CACNG7: variants seen among roughly 807,000 people sequenced by gnomAD.
The protein encoded by CACNG7 is voltage-dependent calcium channel gamma-7 subunit.
In CACNG7, 9 loss-of-function variants were observed where a neutral mutation model predicts 26.3. The observed-to-expected ratio is 0.34, with a 90% CI of 0.21 to 0.60. The LOEUF (loss-of-function observed/expected upper bound fraction) is 0.60, where lower values mean the gene tolerates loss of function less well. Among genes scored for constraint, CACNG7 ranks in the 20% least tolerant of loss-of-function variants. The pLI, the probability that CACNG7 is intolerant of heterozygous loss-of-function variation, is 0.81. For synonymous variants in CACNG7, 170 were observed against 157.0 expected (o/e 1.08, Z -0.62); for missense variants, 297 against 380.4 (o/e 0.78, Z 1.82).
rs1211543838 is a variant in CACNG7, at chr19:53,943,603, G to T, written c.*1310G>T. On this transcript the variant is annotated 3_prime_UTR_variant, in exon 6 of 6. Coordinates refer to ENST00000391767, the MANE Select transcript of CACNG7 (RefSeq NM_031896.5). ...ACGCAGCGATTTTTAACGAGGCTGG[G>T]GGGAGGGGGGCACTGGGGTGGGGAC... The T allele has an allele frequency of 7.1e-6, 1 of 141,320 alleles. No individual in the cohort carries two copies. The highest frequency in any genetic ancestry group is 1.6e-5 in the Non-Finnish European group (1 of 64,398). The allele number at this position is 141,320 out of a possible 1,614,324, so 8.8% of individuals were successfully genotyped here.
At chr19:53,919,029 C>T (rs1025196603) in intron 4 of CACNG7, among the ~76,000 whole-genome samples, 6 of 152,214 alleles carry the variant, frequency 3.9e-5, no homozygotes, top group Non-Finnish European at 7.3e-5. Context: ...CTCGGCCTCC[C>T]GAAGTGCTGG....
At position 53,912,071 on chromosome 19, in the gene CACNG7, A is replaced by G. The variant is rs2068865353; in HGVS notation, c.-29-732A>G. ...ATGTATCAGGGCATCAGATTAGGGC[A>G]TGGAGTTAAGACTGGGTAGCCTGGG... On this transcript the variant is annotated intron_variant, in intron 1 of 5. Transcript: ENST00000391767. The surrounding 1 kb of genome is among the most constrained non-coding windows in gnomAD (Gnocchi z 4.6). 6.6e-6 allele frequency among the ~76,000 whole-genome samples: 1 copy of G among 152,196 alleles called. No homozygotes were observed. Among genetic ancestry groups the G allele is most frequent in the Non-Finnish European group, 1.5e-5 (1 of 68,028 alleles).
chr19:53,925,923 G>A (rs935624668), intron 4 of CACNG7, among the ~76,000 whole-genome samples: 1 of 152,210 alleles, frequency 6.6e-6, no homozygotes, highest in Non-Finnish European at 1.5e-5. Context: ...GTAGAAGTGG[G>A]AGGAAGCTAG....
chr19:53,914,401 C>A (rs746400003), intron 2 of CACNG7, 99 bp from the exon 3 acceptor site: 9 of 928,468 alleles, frequency 9.7e-6, no homozygotes, highest in Middle Eastern at 3.0e-4. Context: ...CTTGCTCCCC[C>A]ATCCTGGGGT....
intron 4 of CACNG7, among the ~76,000 whole-genome samples, chr19:53,920,326 C>G (rs1309668520): frequency 1.7e-5 from 2 of 117,000 alleles, no homozygotes; most frequent in Admixed American, 1.5e-4. Context: ...TGGAGTTGCC[C>G]CAGGTCTGGT....
chr19:53,914,884 C>T (rs1047169928), intron 3 of CACNG7, among the ~76,000 whole-genome samples: 1 of 152,056 alleles, frequency 6.6e-6, no homozygotes, highest in Admixed American at 6.5e-5. Context: ...TGCCTGTAGT[C>T]CCAGCTACTC....
chr19:53,917,095 G>A (rs751491028), intron 4 of CACNG7, among the ~76,000 whole-genome samples: 4 of 152,094 alleles, frequency 2.6e-5, no homozygotes, highest in East Asian at 1.9e-4. Flanking sequence ...ACTGTGCCTG[G>A]CCTAAAGCTT....
rs59884893 is a variant in CACNG7, at chr19:53,935,634, C to CTTTTTTTTTTTTTT, written c.425-5826_425-5813dup. 4.3e-4 allele frequency among the ~76,000 whole-genome samples: 18 copies of CTTTTTTTTTTTTTT among 42,262 alleles called. 3 individuals carry two copies. The highest frequency in any genetic ancestry group is 5.4e-4 in the Non-Finnish European group (14 of 26,050). The allele number at this position is 42,262 out of a possible 152,430, so 27.7% of individuals were successfully genotyped here. A position where few individuals can be genotyped will look rare whatever the true frequency, so the allele number is the denominator to read the frequency against. On this transcript the variant is annotated intron_variant, in intron 4 of 5. Transcript: ENST00000391767. ...CACCGCCCCCACCCTCCAATACTGT[C>CTTTTTTTTTTTTTT]TTTTTTTTTTTTTTTTTTTTTTTGA... is the stretch of plus-strand genomic sequence containing the variant.
At chr19:53,931,734 TA>T (rs2145915824) in intron 4 of CACNG7, among the ~76,000 whole-genome samples, 1 of 129,532 alleles carries the variant, frequency 7.7e-6, no homozygotes, top group African/African-American at 3.3e-5. Context: ...CTAATTCCAC[TA>T]CTATTTGTTT....
At chr19:53,913,167 G>A in intron 2 of CACNG7, 140 bp downstream of exon 2, 1 of 746,156 alleles carries the variant, frequency 1.3e-6, no homozygotes. Flanking sequence ...ATTTCTACGT[G>A]GAGCCCCAGT....
At position 53,922,065 on chromosome 19, in the gene CACNG7, G is replaced by GT. The variant is rs757488271; in HGVS notation, c.424+6560_424+6561insT. Among the ~76,000 whole-genome samples, 25 of 60,678 alleles carry GT rather than the reference G, an allele frequency of 4.1e-4. 6 individuals are homozygous for GT. Among genetic ancestry groups the GT allele is most frequent in the Non-Finnish European group, 6.7e-4 (21 of 31,242 alleles). The allele number at this position is 60,678 out of a possible 152,430, so 39.8% of individuals were successfully genotyped here. Reference sequence around the variant, plus strand: ...CCCCAGGCCTGGTATTGGTGGAGTTGCCCCAGGTCTGGTATTGGTGGAGTT... The same window carrying GT: ...CCCCAGGCCTGGTATTGGTGGAGTTGTCCCCAGGTCTGGTATTGGTGGAGTT... On this transcript the variant is annotated intron_variant, in intron 4 of 5. Coordinates refer to ENST00000391767, the MANE Select transcript of CACNG7 (RefSeq NM_031896.5).
intron 4 of CACNG7, among the ~76,000 whole-genome samples, chr19:53,917,317 T>G (rs2068905176): frequency 6.6e-6 from 1 of 152,184 alleles, no homozygotes; most frequent in South Asian, 2.1e-4. Context: ...TTCTTGTAAT[T>G]CAGTTGATAG....
intron 4 of CACNG7, 124 bp downstream of exon 4, chr19:53,915,629 C>T: frequency 9.2e-7 from 1 of 1,091,252 alleles, no homozygotes; most frequent in Non-Finnish European, 1.3e-6. Flanking sequence ...TCTCTGAGCC[C>T]CACTTTCCTT....
chr19:53,915,573 A>G (rs2068892016), intron 4 of CACNG7, 68 bp downstream of exon 4: 3 of 1,565,358 alleles, frequency 1.9e-6, no homozygotes, highest in Non-Finnish European at 2.6e-6. Flanking sequence ...TTCCTTTTCC[A>G]CTTAGCCACT....
At chr19:53,941,702 C>T (rs2069138479) in intron 5 of CACNG7, 87 bp downstream of exon 5, 1 of 1,476,042 alleles carries the variant, frequency 6.8e-7, no homozygotes, top group Admixed American at 2.2e-5. Context: ...GAAGGAGAGG[C>T]TGGAGATGCA....
chr19:53,935,512 A>G (rs1272196870), intron 4 of CACNG7, among the ~76,000 whole-genome samples: 3 of 151,010 alleles, frequency 2.0e-5, no homozygotes, highest in Non-Finnish European at 4.4e-5. Flanking sequence ...TAGTAGAGAC[A>G]AGGTTTCACC....
At position 53,931,235 on chromosome 19, in the gene CACNG7, C is replaced by T. The variant is rs970418717; in HGVS notation, c.425-10235C>T. Among the ~76,000 whole-genome samples, 17 of 152,268 alleles carry T rather than the reference C, an allele frequency of 1.1e-4. No homozygotes were observed. In the South Asian group the frequency reaches 1.2e-3, roughly 11 times the overall value. ...AATAGAAGAATAATACATTCGTCTACGTAACTACAACAACATTATCAGACA... is the reference window on the plus strand; with the variant it reads ...AATAGAAGAATAATACATTCGTCTATGTAACTACAACAACATTATCAGACA... On this transcript the variant is annotated intron_variant, in intron 4 of 5. Transcript: ENST00000391767.
At chr19:53,934,702 G>A (rs540848409) in intron 4 of CACNG7, among the ~76,000 whole-genome samples, 10 of 152,152 alleles carry the variant, frequency 6.6e-5, no homozygotes, top group African/African-American at 2.4e-4. Flanking sequence ...GAGCCCAGGA[G>A]TTTGAGGCTG....
chr19:53,921,581 C>A (rs1394050250), intron 4 of CACNG7, among the ~76,000 whole-genome samples: 3 of 118,684 alleles, frequency 2.5e-5, no homozygotes, highest in African/African-American at 1.2e-4. Context: ...TGGAGTTGCC[C>A]CAGGTCTGGT....
Sources: allele counts gnomAD v4.1 joint callset (sites outside exome capture counted in the v4.1 genomes callset), GRCh38; gene constraint gnomAD v4.1.1; non-coding constraint Gnocchi (gnomAD v3.1); transcripts MANE v1.5; gene names NCBI Gene and HGNC (gene_info 2026-07-23, HGNC 2026-07-21).